The following RERGL variants were observed in gnomAD, a reference collection of about 807,000 sequenced individuals.
RERGL encodes ras-related and estrogen-regulated growth inhibitor-like protein.
RERGL carries 22 observed loss-of-function variants against 24.7 expected under a neutral mutation model. The observed-to-expected ratio is 0.89, with a 90% CI of 0.64 to 1.27. The LOEUF (loss-of-function observed/expected upper bound fraction) is 1.27, where lower values mean the gene tolerates loss of function less well. RERGL is among the 50% of genes most tolerant of loss of function. The pLI is 0.00. For missense variants in RERGL, 259 were observed against 235.3 expected, an observed-to-expected ratio of 1.10 and a Z score of -0.66; for synonymous variants, 76 against 82.6, an observed-to-expected ratio of 0.92 and a Z score of 0.43.
intron 4 of RERGL, 73 bp from the exon 5 acceptor site, chr12:18,081,546 G>T (rs528869213): frequency 1.1e-5 from 9 of 837,456 alleles, no homozygotes; most frequent in Admixed American, 3.0e-5. Context: ...AAAAAAAACA[G>T]ATTTATAACC....
At position 18,088,902 on chromosome 12, in the gene RERGL, A is replaced by G; in HGVS notation, c.107T>C (p.Phe36Ser). 3 of 1,599,814 alleles carry G rather than the reference A, an allele frequency of 1.9e-6. No homozygotes were observed. The South Asian group carries it at 3.3e-5, about 18-fold the overall frequency. Residue 36 changes from phenylalanine to serine, a missense_variant and splice_region_variant, in exon 2 of 5, where the codon TTT becomes TCT. Physicochemically the swap from Phe to Ser is radical, Grantham distance 155. Transcript: ENST00000538724. ...KRFIGEYASN[F>S]ESIYKKHLCL... ...AAATGTCTAGAGTAGTGACTTACCA[A>G]AATTAGAAGCATATTCTCCAATGAA...
chr12:18,081,407 G>T lies in RERGL; in HGVS notation c.399C>A (p.Gly133=), dbSNP rs1297031006. The T allele has an allele frequency of 1.9e-6, 3 of 1,613,440 alleles. No individual in the cohort carries two copies. Among genetic ancestry groups the T allele is most frequent in the Non-Finnish European group, 8.5e-7 (1 of 1,179,924 alleles). ...GTGCCAGCTTTTGCCCTTCTTCCCA[G>T]CCAACCTCTCGCACATGACAAAGAT... ...KRDLCHVREV[G]WEEGQKLALE... The change falls in exon 5 of 5, where the codon GGC becomes GGA. Residue 133 remains glycine, a synonymous_variant. Coordinates refer to ENST00000538724, the MANE Select transcript of RERGL (RefSeq NM_001286201.2).
rs1947211984 is a variant in RERGL, at chr12:18,085,630, G to C, written c.173C>G (p.Pro58Arg). ...RKQLNLEIYD[P>R]CSQTQKAKFS... ...TTTTGTTTTACTTACTTGAGAACAA[G>C]GGTCATATATTTCTAGATTTAGTTG... Residue 58 changes from proline to arginine, a missense_variant, in exon 3 of 5, where the codon CCT (proline) becomes CGT (arginine). Physicochemically the swap from Pro to Arg is moderately radical, Grantham distance 103. Transcript: ENST00000538724. The C allele has an allele frequency of 1.9e-6, 3 of 1,578,118 alleles. No homozygotes were observed. In the African/African-American group the frequency reaches 4.1e-5, roughly 21 times the overall value.
rs531466257 is a variant in RERGL at position 18,089,043 on chromosome 12, C to T, written c.53-87G>A. 342 of 1,219,722 alleles carry T rather than the reference C, an allele frequency of 2.8e-4. 1 individual carries two copies. The African/African-American group carries it at 4.3e-3, about 15-fold the overall frequency. The allele number at this position is 1,219,722 out of a possible 1,614,324, so 75.6% of individuals were successfully genotyped here. A position where few individuals can be genotyped will look rare whatever the true frequency, so the allele number is the denominator to read the frequency against. On this transcript the variant is annotated intron_variant, in intron 1 of 4. Coordinates refer to ENST00000538724, the MANE Select transcript of RERGL (RefSeq NM_001286201.2). ...TGTGCATAAGGCTTTAGTTCTTAAA[C>T]CAAAAATATTCAAGAATTAATAAAG... is the stretch of plus-strand genomic sequence containing the variant.
chr12:18,084,755 G>T (rs1464177218), intron 3 of RERGL, 90 bp from the exon 4 acceptor site: 2 of 962,708 alleles, frequency 2.1e-6, no homozygotes, highest in Non-Finnish European at 3.0e-6. Flanking sequence ...ACCCACTTCC[G>T]CTGGAAGATA....
At chr12:18,089,452 G>T (rs1290400181) in intron 1 of RERGL, 5 of 1,114,444 alleles carry the variant, frequency 4.5e-6, no homozygotes, top group African/African-American at 1.6e-5. Flanking sequence ...TCCTGGGTTT[G>T]GCCAGTTAAG....
intron 2 of RERGL, among the ~76,000 whole-genome samples, chr12:18,086,783 A>T (rs1261927321): frequency 2.0e-5 from 3 of 152,162 alleles, no homozygotes; most frequent in Admixed American, 1.3e-4. Flanking sequence ...TCTGAAGCCC[A>T]GACCTCATCC....
At chr12:18,088,838 A>C (rs1231178697) in intron 2 of RERGL, 62 bp downstream of exon 2, 5 of 1,010,776 alleles carry the variant, frequency 4.9e-6, no homozygotes, top group Non-Finnish European at 7.9e-6. Context: ...CTCTGTACTT[A>C]AGTGGGATTT....
chr12:18,089,789 C>T (rs12367618), intron 1 of RERGL, among the ~76,000 whole-genome samples: 7,509 of 152,082 alleles, frequency 0.049, 250 homozygotes, highest in Non-Finnish European at 0.076. Flanking sequence ...GATAGTGATG[C>T]AGAAATTTCC....
chr12:18,087,799 T>C (rs1236663743), intron 2 of RERGL, among the ~76,000 whole-genome samples: 2 of 152,178 alleles, frequency 1.3e-5, no homozygotes, highest in Non-Finnish European at 2.9e-5. Flanking sequence ...GAGTCCTAAC[T>C]TGTATGTTAT....
chr12:18,088,769 T>G (rs1947242791), intron 2 of RERGL, 131 bp downstream of exon 2: 2 of 706,860 alleles, frequency 2.8e-6, no homozygotes, highest in Non-Finnish European at 5.1e-6. Flanking sequence ...CTAATCAGAA[T>G]ATGTGAATAA....
chr12:18,089,140 G>T, intron 1 of RERGL, 184 bp from the exon 2 acceptor site: 2 of 1,223,642 alleles, frequency 1.6e-6, no homozygotes, highest in Non-Finnish European at 2.3e-6. Flanking sequence ...CAAATGATTA[G>T]AAAGTTAGAA....
At chr12:18,089,097 A>C in intron 1 of RERGL, 141 bp from the exon 2 acceptor site, 2 of 1,119,004 alleles carry the variant, frequency 1.8e-6, no homozygotes, top group South Asian at 2.9e-5. Context: ...ATTCTGTTCT[A>C]AATAGTAGTT....
chr12:18,084,649 A>G lies in RERGL; in HGVS notation c.200T>C (p.Phe67Ser), dbSNP rs762013397. The change falls in exon 4 of 5, where the codon TTC becomes TCC. Residue 67 changes from phenylalanine to serine, a missense_variant. Coordinates refer to ENST00000538724, the MANE Select transcript of RERGL (RefSeq NM_001286201.2). Reference sequence around the variant, plus strand: ...CCAGTGAAGCTCACTTGTGAGGGAGAATTTTGCTTTCTGTGTCTGAAAATA... The same window carrying G: ...CCAGTGAAGCTCACTTGTGAGGGAGGATTTTGCTTTCTGTGTCTGAAAATA... ...DPCSQTQKAK[F>S]SLTSELHWAD... The G allele has an allele frequency of 6.2e-7, 1 of 1,609,192 alleles. No individual in the cohort carries two copies. The highest frequency in any genetic ancestry group is 2.2e-5 in the East Asian group (1 of 44,626).
intron 1 of RERGL, among the ~76,000 whole-genome samples, chr12:18,089,742 G>A (rs949538495): frequency 6.6e-6 from 1 of 152,030 alleles, no homozygotes; most frequent in African/African-American, 2.4e-5. Context: ...GGAACTAGTG[G>A]GTATAAGGCA....
intron 3 of RERGL, 26 bp from the exon 4 acceptor site, chr12:18,084,691 A>T (rs1187742190): frequency 1.2e-6 from 2 of 1,602,156 alleles, no homozygotes; most frequent in Admixed American, 3.4e-5. Context: ...GTGCATTAAA[A>T]GTGGTGGGAT....
chr12:18,089,949 T>A (rs977140165), intron 1 of RERGL, 140 bp downstream of exon 1: 12 of 555,514 alleles, frequency 2.2e-5, no homozygotes, highest in Non-Finnish European at 3.4e-5. Flanking sequence ...AATGTGCCTA[T>A]CATCCCAGTG....
At chr12:18,082,284 A>T (rs11043842) in intron 4 of RERGL, among the ~76,000 whole-genome samples, 1 of 152,074 alleles carries the variant, frequency 6.6e-6, no homozygotes, top group Non-Finnish European at 1.5e-5. Context: ...CTAAATGATG[A>T]GAACATATGG....
chr12:18,086,005 T>C (rs1015468222), intron 2 of RERGL, among the ~76,000 whole-genome samples: 13 of 149,674 alleles, frequency 8.7e-5, no homozygotes, highest in Non-Finnish European at 1.9e-4. Context: ...CTACAGGGGC[T>C]CGCCACCACG....
Sources: allele counts gnomAD v4.1 joint callset (sites outside exome capture counted in the v4.1 genomes callset), GRCh38; gene constraint gnomAD v4.1.1; transcripts MANE v1.5; gene names NCBI Gene and HGNC (gene_info 2026-07-23, HGNC 2026-07-21).